The following DENND1B variants were observed in gnomAD, a reference collection of about 807,000 sequenced individuals.
The protein encoded by DENND1B is DENN domain-containing protein 1B.
DENND1B carries 59 observed loss-of-function variants against 90.1 expected under a neutral mutation model. That is an observed-to-expected ratio of 0.65 (90% CI 0.53 to 0.81). The LOEUF (loss-of-function observed/expected upper bound fraction) is 0.81, where lower values mean the gene tolerates loss of function less well. Ranked by LOEUF, DENND1B falls within the 40% of genes least tolerant of loss-of-function variation. DENND1B has a pLI of 0.00. For missense variants in DENND1B, 862 were observed against 912.6 expected (o/e 0.94, Z 0.71); for synonymous variants, 337 against 324.6 (o/e 1.04, Z -0.41).
At chr1:197,616,200 A>G (rs936382800) in intron 11 of DENND1B, among the ~76,000 whole-genome samples, 1 of 150,926 alleles carries the variant, frequency 6.6e-6, no homozygotes, top group African/African-American at 2.4e-5. Flanking sequence ...ATATCAATAT[A>G]TTTCCAAATA....
chr1:197,524,807 T>C (rs1669026030), intron 20 of DENND1B, among the ~76,000 whole-genome samples: 1 of 152,158 alleles, frequency 6.6e-6, no homozygotes, highest in African/African-American at 2.4e-5. Context: ...TCACAATGCA[T>C]TAAATGCTTA....
chr1:197,654,146 T>A (rs919881113), intron 6 of DENND1B, among the ~76,000 whole-genome samples: 4 of 152,118 alleles, frequency 2.6e-5, no homozygotes, highest in African/African-American at 9.7e-5. Flanking sequence ...TGCAATTACA[T>A]TATAAAAAAT....
At chr1:197,679,502 T>C (rs1262829939) in intron 3 of DENND1B, among the ~76,000 whole-genome samples, 7 of 151,714 alleles carry the variant, frequency 4.6e-5, no homozygotes, top group African/African-American at 9.6e-5. Context: ...AAAACAGAAG[T>C]CCCATTTTAT....
intron 5 of DENND1B, among the ~76,000 whole-genome samples, chr1:197,671,424 G>A (rs374283352): frequency 2.0e-5 from 3 of 152,164 alleles, no homozygotes; most frequent in Admixed American, 6.5e-5. Flanking sequence ...AGGACCTTTG[G>A]AAACTAGCAA....
intron 3 of DENND1B, among the ~76,000 whole-genome samples, chr1:197,693,929 C>T (rs1338650215): frequency 1.3e-5 from 2 of 151,450 alleles, no homozygotes; most frequent in Non-Finnish European, 3.0e-5. Context: ...TAGCTGGTAA[C>T]ATATGTTGAT....
chr1:197,521,795 A>C (rs531374774), intron 20 of DENND1B, among the ~76,000 whole-genome samples: 3 of 152,230 alleles, frequency 2.0e-5, no homozygotes, highest in African/African-American at 7.2e-5. Context: ...ACTTGCTTCA[A>C]TGTGTTAGCT....
intron 13 of DENND1B, among the ~76,000 whole-genome samples, chr1:197,604,596 C>A (rs1431866066): frequency 2.0e-5 from 3 of 151,154 alleles, no homozygotes; most frequent in Non-Finnish European, 4.4e-5. Context: ...GTCAACCAGC[C>A]TGTAAGTATA....
intron 10 of DENND1B, among the ~76,000 whole-genome samples, chr1:197,626,798 G>A (rs538692843): frequency 3.6e-4 from 54 of 151,732 alleles, no homozygotes; most frequent in Admixed American, 8.5e-4. Flanking sequence ...TAATAAAGAA[G>A]AAAAGAGAGA....
At chr1:197,598,667 A>G (rs1175072480) in intron 13 of DENND1B, among the ~76,000 whole-genome samples, 1 of 151,834 alleles carries the variant, frequency 6.6e-6, no homozygotes, top group Non-Finnish European at 1.5e-5. Flanking sequence ...AATTCAGAAA[A>G]GCATTTGGAG....
chr1:197,672,602 ACT>A (rs1319474323), intron 4 of DENND1B, among the ~76,000 whole-genome samples: 7 of 152,032 alleles, frequency 4.6e-5, no homozygotes, highest in East Asian at 3.9e-4. Context: ...GCCACCACCA[ACT>A]CTGTTTAATT....
chr1:197,581,355 T>C (rs763140216), intron 15 of DENND1B, among the ~76,000 whole-genome samples: 2 of 152,220 alleles, frequency 1.3e-5, no homozygotes, highest in Admixed American at 6.5e-5. Flanking sequence ...ATTAGTTCTT[T>C]GGTTGACCAT....
intron 2 of DENND1B, among the ~76,000 whole-genome samples, chr1:197,716,871 G>C (rs1435573813): frequency 6.6e-6 from 1 of 151,884 alleles, no homozygotes. Context: ...TTATTGAATA[G>C]CTTACAGTTT....
At chr1:197,650,061 T>C (rs1049442932) in intron 7 of DENND1B, among the ~76,000 whole-genome samples, 4 of 151,826 alleles carry the variant, frequency 2.6e-5, no homozygotes, top group African/African-American at 9.7e-5. Context: ...TAGACATTTC[T>C]CAAAAGAATA....
chr1:197,511,510 CA>C (rs1238109140), intron 22 of DENND1B, among the ~76,000 whole-genome samples: 1 of 151,444 alleles, frequency 6.6e-6, no homozygotes, highest in Non-Finnish European at 1.5e-5. Flanking sequence ...CAATTAATGA[CA>C]ATAACCACTA....
At chr1:197,717,327 T>C (rs887050771) in intron 2 of DENND1B, among the ~76,000 whole-genome samples, 1 of 151,988 alleles carries the variant, frequency 6.6e-6, no homozygotes, top group South Asian at 2.1e-4. Context: ...AGGTCAATTT[T>C]ATGCTGATTT....
At chr1:197,587,985 T>A (rs552794402) in intron 14 of DENND1B, among the ~76,000 whole-genome samples, 1 of 152,158 alleles carries the variant, frequency 6.6e-6, no homozygotes, top group African/African-American at 2.4e-5. Flanking sequence ...TTTGCTCCTA[T>A]GAGACAGGAG....
intron 3 of DENND1B, among the ~76,000 whole-genome samples, chr1:197,693,905 G>A (rs551755074): frequency 5.1e-4 from 77 of 151,536 alleles, no homozygotes; most frequent in African/African-American, 1.6e-3. Flanking sequence ...CAAAAGATCG[G>A]GTGGAGAAGA....
At chr1:197,735,948 C>G in intron 2 of DENND1B, 2 of 1,459,752 alleles carry the variant, frequency 1.4e-6, no homozygotes, top group Non-Finnish European at 1.9e-6. Context: ...AAAGGCTCAA[C>G]GAGAACAAGG....
intron 20 of DENND1B, among the ~76,000 whole-genome samples, chr1:197,527,726 T>C (rs1202905148): frequency 1.3e-5 from 2 of 152,236 alleles, no homozygotes; most frequent in Non-Finnish European, 2.9e-5. Context: ...TTGTATTATT[T>C]TGTAAACGTT....
Sources: gnomAD v4.1 joint callset for allele counts (sites outside exome capture counted in the v4.1 genomes callset) on GRCh38, gnomAD v4.1.1 for gene constraint, MANE v1.5 for transcripts, NCBI Gene and HGNC (gene_info 2026-07-23, HGNC 2026-07-21) for gene names.